Variants in EML4 observed in about 807,000 individuals in gnomAD.
EML4 encodes EMAP like 4.
EML4 carries 72 observed loss-of-function variants against 129.0 expected under a neutral mutation model. The ratio of observed to expected loss-of-function variants is 0.56; its 90% CI spans 0.46 to 0.68. The LOEUF (loss-of-function observed/expected upper bound fraction) is 0.68. Ranked by LOEUF, EML4 falls within the 30% of genes least tolerant of loss-of-function variation. EML4 has a pLI of 0.00. For missense variants in EML4, 1,363 were observed against 1,190.6 expected, an observed-to-expected ratio of 1.14 and a Z score of -2.13; for synonymous variants, 532 against 405.0, an observed-to-expected ratio of 1.31 and a Z score of -3.77.
At chr2:42,199,218 T>C (rs1672072294) in intron 1 of EML4, among the ~76,000 whole-genome samples, 1 of 152,120 alleles carries the variant, frequency 6.6e-6, no homozygotes, top group Non-Finnish European at 1.5e-5. Context: ...TGAGTAATTG[T>C]TGTGGGTAAT....
chr2:42,312,061 C>T (rs1239488436), intron 17 of EML4, among the ~76,000 whole-genome samples: 3 of 152,100 alleles, frequency 2.0e-5, no homozygotes, highest in African/African-American at 7.2e-5. Flanking sequence ...AAGCATGTGG[C>T]TTCAAAGTGC....
chr2:42,196,565 C>T (rs2103934460), intron 1 of EML4, among the ~76,000 whole-genome samples: 1 of 152,304 alleles, frequency 6.6e-6, no homozygotes, highest in Non-Finnish European at 1.5e-5. Context: ...TCTGCCATGT[C>T]TGCTCTGACT....
intron 10 of EML4, 71 bp from the exon 11 acceptor site, chr2:42,288,156 A>C: frequency 4.6e-6 from 3 of 646,478 alleles, no homozygotes; most frequent in Non-Finnish European, 8.0e-6. Context: ...TTTTAATAAG[A>C]TGGTATTTCT....
chr2:42,230,376 T>TA (rs75456654), intron 1 of EML4, among the ~76,000 whole-genome samples: 18,409 of 152,158 alleles, frequency 0.12, 1,150 homozygotes, highest in East Asian at 0.18. Context: ...ATTCCACACT[T>TA]ACCTATTAGC....
intron 6 of EML4, among the ~76,000 whole-genome samples, chr2:42,268,302 A>G (rs114127785): frequency 0.013 from 1,934 of 152,344 alleles, 38 homozygotes; most frequent in African/African-American, 0.044. Context: ...ATACAGGAAG[A>G]TAGTCATAGA....
At chr2:42,231,342 A>T (rs1035967138) in intron 1 of EML4, among the ~76,000 whole-genome samples, 3 of 152,142 alleles carry the variant, frequency 2.0e-5, no homozygotes, top group African/African-American at 7.2e-5. Context: ...ATCAATTCTC[A>T]CAACTCCAGT....
At chr2:42,274,573 C>T (rs1666551782) in intron 6 of EML4, among the ~76,000 whole-genome samples, 2 of 152,128 alleles carry the variant, frequency 1.3e-5, no homozygotes, top group South Asian at 4.1e-4. Context: ...TTTCCTTTTC[C>T]TTTGTTACAA....
rs1675335817 is a variant in EML4 at position 42,245,437 on chromosome 2, T to C, written c.26-68T>C. On this transcript the variant is annotated intron_variant, in intron 1 of 22. Transcript: ENST00000318522. Reference sequence around the variant, plus strand: ...TTTGTAAGTCTTATGTGGGATGGTTTTTCTAATCAGAAATTACTTCTCAAG... The same window carrying C: ...TTTGTAAGTCTTATGTGGGATGGTTCTTCTAATCAGAAATTACTTCTCAAG... 2.1e-6 allele frequency: 3 copies of C among 1,424,366 alleles called. No individual in the cohort carries two copies. In the Admixed American group the frequency reaches 6.1e-5, roughly 29 times the overall value. The allele number at this position is 1,424,366 out of a possible 1,614,324, so 88.2% of individuals were successfully genotyped here.
intron 17 of EML4, among the ~76,000 whole-genome samples, chr2:42,305,535 A>C (rs1271842821): frequency 1.3e-5 from 2 of 152,230 alleles, no homozygotes; most frequent in Non-Finnish European, 2.9e-5. Context: ...TGTCTTTTTT[A>C]AATGCTACGC....
intron 1 of EML4, among the ~76,000 whole-genome samples, chr2:42,173,495 T>C (rs1670395488): frequency 6.6e-6 from 1 of 152,168 alleles, no homozygotes; most frequent in Non-Finnish European, 1.5e-5. Flanking sequence ...GTGGTTCTTA[T>C]GGGAAAGACA....
intron 1 of EML4, among the ~76,000 whole-genome samples, chr2:42,232,430 TATAA>T (rs1343929466): frequency 5.9e-5 from 9 of 152,212 alleles, no homozygotes; most frequent in Non-Finnish European, 5.9e-5. Context: ...ACACCTGAAT[TATAA>T]AACTACAGCC....
intron 14 of EML4, among the ~76,000 whole-genome samples, chr2:42,301,827 T>G (rs934059903): frequency 1.3e-5 from 2 of 152,142 alleles, no homozygotes; most frequent in African/African-American, 2.4e-5. Flanking sequence ...AAAGAGTTGC[T>G]TAATCACAAC....
intron 1 of EML4, among the ~76,000 whole-genome samples, chr2:42,196,344 T>C (rs1339873715): frequency 6.6e-6 from 1 of 152,252 alleles, no homozygotes; most frequent in Non-Finnish European, 1.5e-5. Context: ...TGACGCTTGC[T>C]TATGGTATAT....
At chr2:42,179,587 G>A (rs181591780) in intron 1 of EML4, among the ~76,000 whole-genome samples, 6 of 152,186 alleles carry the variant, frequency 3.9e-5, no homozygotes, top group Admixed American at 1.3e-4. Context: ...GGAAACAAAG[G>A]TAATACATAT....
intron 1 of EML4, among the ~76,000 whole-genome samples, chr2:42,244,141 C>T (rs1423487442): frequency 2.1e-5 from 3 of 139,556 alleles, no homozygotes; most frequent in Non-Finnish European, 4.5e-5. Flanking sequence ...GCTCTGTTGC[C>T]AGGCTGGAGT....
At chr2:42,299,677 T>TTTTTG (rs1361212345) in intron 13 of EML4, among the ~76,000 whole-genome samples, 4 of 152,280 alleles carry the variant, frequency 2.6e-5, no homozygotes, top group Non-Finnish European at 1.5e-5. Flanking sequence ...CACTTAGTTT[T>TTTTTG]TTTTGTTTTG....
chr2:42,268,221 C>CT (rs368982266), intron 6 of EML4, among the ~76,000 whole-genome samples: 1 of 151,872 alleles, frequency 6.6e-6, no homozygotes, highest in Non-Finnish European at 1.5e-5. Flanking sequence ...CATGTATAAA[C>CT]TTTTTTTTGT....
intron 18 of EML4, among the ~76,000 whole-genome samples, chr2:42,316,980 T>C (rs1227980568): frequency 2.0e-5 from 3 of 152,206 alleles, no homozygotes; most frequent in Non-Finnish European, 2.9e-5. Context: ...ACGTGGACTT[T>C]ATTGACCATT....
chr2:42,297,809 G>A (rs1046694102), intron 13 of EML4, among the ~76,000 whole-genome samples: 2 of 152,186 alleles, frequency 1.3e-5, no homozygotes, highest in Non-Finnish European at 2.9e-5. Flanking sequence ...GATGGCAGAA[G>A]TATAATTTCA....
Sources: gnomAD v4.1 joint callset for allele counts (sites outside exome capture counted in the v4.1 genomes callset) on GRCh38, gnomAD v4.1.1 for gene constraint, MANE v1.5 for transcripts, NCBI Gene and HGNC (gene_info 2026-07-23, HGNC 2026-07-21) for gene names.